FRMD6: variants seen among roughly 807,000 people sequenced by gnomAD.
The protein encoded by FRMD6 is FERM domain-containing protein 6.
In FRMD6, 37 loss-of-function variants were observed where a neutral mutation model predicts 73.2. The ratio of observed to expected loss-of-function variants is 0.51; its 90% CI spans 0.39 to 0.66. FRMD6 has a LOEUF of 0.66. FRMD6 is among the 30% of genes least tolerant of loss of function. The probability of loss-of-function intolerance (pLI) is 0.00; values close to 1 mark genes in which losing one functional copy is unlikely to be tolerated. For synonymous variants in FRMD6, 273 were observed against 282.2 expected, an observed-to-expected ratio of 0.97 and a Z score of 0.33; for missense variants, 714 against 780.5, an observed-to-expected ratio of 0.91 and a Z score of 1.02.
the FRMD6 span, among the ~76,000 whole-genome samples, chr14:51,429,816 T>A: frequency 1.3e-5 from 2 of 152,186 alleles, no homozygotes; most frequent in Non-Finnish European, 2.9e-5. Flanking sequence ...TTGTGGGACT[T>A]TGAGACATTG....
chr14:51,404,753 ATATAC>A, the FRMD6 span, among the ~76,000 whole-genome samples: 2 of 152,090 alleles, frequency 1.3e-5, no homozygotes, highest in African/African-American at 2.4e-5. Flanking sequence ...GTTTTAGTTG[ATATAC>A]TATATTAATA....
intron 1 of FRMD6, chr14:51,546,891 G>A (rs936124698): frequency 6.6e-6 from 1 of 151,902 alleles, no homozygotes; most frequent in Non-Finnish European, 1.5e-5. Flanking sequence ...GGGTAAAAGA[G>A]TGTTTTAAAA....
intron 3 of FRMD6, among the ~76,000 whole-genome samples, chr14:51,700,387 T>C (rs559252600): frequency 1.3e-5 from 2 of 152,188 alleles, no homozygotes; most frequent in South Asian, 2.1e-4. Flanking sequence ...GTTCACCTTA[T>C]GAGCATCATC....
intron 2 of FRMD6, among the ~76,000 whole-genome samples, chr14:51,629,263 T>C (rs1891247887): frequency 6.6e-6 from 1 of 152,240 alleles, no homozygotes; most frequent in South Asian, 2.1e-4. Flanking sequence ...TTTTTACTGC[T>C]GAACAGTCCA....
chr14:51,583,267 A>G (rs143017777), intron 2 of FRMD6, among the ~76,000 whole-genome samples: 2 of 152,294 alleles, frequency 1.3e-5, no homozygotes, highest in African/African-American at 2.4e-5. Flanking sequence ...TGCACCAGGT[A>G]AGGCCTCCCT....
chr14:51,429,963 A>C, the FRMD6 span, among the ~76,000 whole-genome samples: 1 of 152,194 alleles, frequency 6.6e-6, no homozygotes, highest in Admixed American at 6.5e-5. Context: ...TTATGTCTAC[A>C]TCACTAGTAA....
chr14:51,607,532 G>A (rs187442170), intron 2 of FRMD6, among the ~76,000 whole-genome samples: 94 of 152,240 alleles, frequency 6.2e-4, no homozygotes, highest in African/African-American at 2.2e-3. Flanking sequence ...ATACATGATT[G>A]CCATGTAAGT....
At chr14:51,544,708 G>T (rs114219745) in intron 1 of FRMD6, among the ~76,000 whole-genome samples, 327 of 151,584 alleles carry the variant, frequency 2.2e-3, no homozygotes, top group African/African-American at 7.3e-3. Flanking sequence ...ACTTTGTTGC[G>T]GCTTTTGGGC....
intron 2 of FRMD6, among the ~76,000 whole-genome samples, chr14:51,586,215 T>G (rs1406004746): frequency 6.6e-6 from 1 of 151,942 alleles, no homozygotes; most frequent in African/African-American, 2.4e-5. Flanking sequence ...GTATAATCTT[T>G]CCCTTTTCTC....
intron 2 of FRMD6, among the ~76,000 whole-genome samples, chr14:51,613,910 TAATC>T (rs1157238799): frequency 1.3e-5 from 2 of 152,244 alleles, no homozygotes; most frequent in South Asian, 2.1e-4. Context: ...ATTTCAATAT[TAATC>T]AATACAATAA....
chr14:51,475,952 T>C, the FRMD6 span, among the ~76,000 whole-genome samples: 6 of 152,148 alleles, frequency 3.9e-5, no homozygotes, highest in Non-Finnish European at 8.8e-5. Flanking sequence ...GAAGCCCAGC[T>C]GGTACTGAAA....
At chr14:51,602,650 A>C (rs1385564581) in intron 2 of FRMD6, among the ~76,000 whole-genome samples, 1 of 152,204 alleles carries the variant, frequency 6.6e-6, no homozygotes, top group East Asian at 1.9e-4. Flanking sequence ...TGTATGGCCC[A>C]AAAAGCCTAA....
rs536078485 is a variant in FRMD6, at chr14:51,510,421, C to A, written c.-210+21001C>A. Among the ~76,000 whole-genome samples, 4 of 152,246 alleles carry A rather than the reference C, an allele frequency of 2.6e-5. 1 individual carries two copies. In the South Asian group the frequency reaches 8.3e-4, roughly 32 times the overall value. On this transcript the variant is annotated intron_variant, in intron 1 of 14. Transcript: ENST00000356218. Reference sequence around the variant, plus strand: ...TCTTTCTTTTTAACTTTCAATATTTCCGTGATTTTTTTTTTCTTCAGGAAC... The same window carrying A: ...TCTTTCTTTTTAACTTTCAATATTTACGTGATTTTTTTTTTCTTCAGGAAC...
chr14:51,442,227 A>G, the FRMD6 span, among the ~76,000 whole-genome samples: 1 of 152,156 alleles, frequency 6.6e-6, no homozygotes, highest in African/African-American at 2.4e-5. Flanking sequence ...GGGGGATTCA[A>G]TCTAGGTTAG....
chr14:51,625,084 A>C (rs189552445), intron 2 of FRMD6, among the ~76,000 whole-genome samples: 14 of 152,362 alleles, frequency 9.2e-5, no homozygotes, highest in African/African-American at 3.1e-4. Flanking sequence ...AATTATCATA[A>C]TTTCAAAACA....
At chr14:51,485,107 A>C (rs1244141770), upstream of FRMD6, among the ~76,000 whole-genome samples, 1 of 152,228 alleles carries the variant, frequency 6.6e-6, no homozygotes, top group African/African-American at 2.4e-5. Context: ...CAAGCTCAAA[A>C]GTGTCTGTGG....
chr14:51,513,744 T>C (rs1306887306), intron 1 of FRMD6, among the ~76,000 whole-genome samples: 5 of 94,214 alleles, frequency 5.3e-5, no homozygotes, highest in African/African-American at 1.6e-4. Context: ...GGCTGAAGCC[T>C]CTCTGAAATT....
the FRMD6 span, among the ~76,000 whole-genome samples, chr14:51,403,387 C>A: frequency 4.3e-5 from 6 of 140,346 alleles, no homozygotes; most frequent in Middle Eastern, 3.7e-3. Context: ...CTATATTCTG[C>A]AACTTTTATT....
intron 1 of FRMD6, among the ~76,000 whole-genome samples, chr14:51,567,452 T>A (rs144547751): frequency 4.5e-4 from 68 of 152,300 alleles, no homozygotes; most frequent in Non-Finnish European, 7.9e-4. Flanking sequence ...GCTCCAGTCA[T>A]CCTCCTGCCA....
Sources: allele counts gnomAD v4.1 joint callset (sites outside exome capture counted in the v4.1 genomes callset), GRCh38; gene constraint gnomAD v4.1.1; transcripts MANE v1.5; gene names NCBI Gene and HGNC (gene_info 2026-07-23, HGNC 2026-07-21).